METAP1D: variants seen among roughly 807,000 people sequenced by gnomAD.
METAP1D encodes the protein methionine aminopeptidase 1D, mitochondrial.
In METAP1D, 31 loss-of-function variants were observed where a neutral mutation model predicts 40.5. That is an observed-to-expected ratio of 0.77 (90% CI 0.58 to 1.03). METAP1D has a LOEUF of 1.03. METAP1D is among the 50% of genes least tolerant of loss of function. METAP1D has a pLI of 0.00. For synonymous variants in METAP1D, 151 were observed against 146.4 expected (o/e 1.03, Z -0.22); for missense variants, 411 against 420.7 (o/e 0.98, Z 0.20).
Position 172,054,829 on chromosome 2 carries a change from C to T in METAP1D, c.41-6669C>T, listed in dbSNP as rs368232337. ...GTTGCCTATAATTTTCAGCGTTCAA[C>T]TCAGACTAGGTGCTGATAGAATTTT... On this transcript the variant is annotated intron_variant, in intron 1 of 9. Coordinates refer to ENST00000315796, the MANE Select transcript of METAP1D (RefSeq NM_199227.3). Among the ~76,000 whole-genome samples, 7 of 152,286 alleles carry T rather than the reference C, an allele frequency of 4.6e-5. No individual in the cohort carries two copies. The East Asian group carries it at 9.6e-4, about 21-fold the overall frequency.
At chr2:172,051,219 C>G (rs1220677567) in intron 1 of METAP1D, among the ~76,000 whole-genome samples, 1 of 152,128 alleles carries the variant, frequency 6.6e-6, no homozygotes, top group Non-Finnish European at 1.5e-5. Flanking sequence ...TGACTATAAT[C>G]TTTGGCACCC....
At chr2:172,035,965 G>A (rs1239444700) in intron 1 of METAP1D, among the ~76,000 whole-genome samples, 1 of 151,938 alleles carries the variant, frequency 6.6e-6, no homozygotes, top group Admixed American at 6.6e-5. Flanking sequence ...TATATTTTAA[G>A]GATCCATTTA....
intron 1 of METAP1D, among the ~76,000 whole-genome samples, chr2:172,012,382 T>C (rs1396867094): frequency 6.6e-6 from 1 of 152,164 alleles, no homozygotes; most frequent in African/African-American, 2.4e-5. Context: ...AGGAGAAGGC[T>C]GTTCTGGGGC....
Position 172,013,881 on chromosome 2 carries a change from C to T in METAP1D, c.40+13872C>T, listed in dbSNP as rs545411040. Among the ~76,000 whole-genome samples, 5 of 147,316 alleles carry T rather than the reference C, an allele frequency of 3.4e-5. No individual in the cohort carries two copies. In the East Asian group the frequency reaches 8.0e-4, roughly 24 times the overall value. On this transcript the variant is annotated intron_variant, in intron 1 of 9. Transcript: ENST00000315796. The stretch of plus-strand genomic sequence containing the variant: ...TGTCACCCAGGCTGGAGTGCAGTGG[C>T]GTGATCTTGGCTCAGGGCAACCTCC...
chr2:172,017,235 T>TACACACACAC (rs370746234), intron 1 of METAP1D, among the ~76,000 whole-genome samples: 40 of 139,478 alleles, frequency 2.9e-4, no homozygotes, highest in Admixed American at 4.5e-4. Context: ...TGAAAGGTTT[T>TACACACACAC]ACACACACAC....
chr2:172,016,300 A>AAAAATATAT (rs1553490378), intron 1 of METAP1D, among the ~76,000 whole-genome samples: 7 of 40,052 alleles, frequency 1.7e-4, no homozygotes, highest in Admixed American at 4.6e-4. Context: ...AAAAAAAAAA[A>AAAAATATAT]ATATATATAT....
At chr2:172,006,118 A>C (rs766681968) in intron 1 of METAP1D, among the ~76,000 whole-genome samples, 2 of 152,320 alleles carry the variant, frequency 1.3e-5, no homozygotes, top group Non-Finnish European at 2.9e-5. Flanking sequence ...ATGTGTATAC[A>C]TGTGTCTAAG....
At chr2:172,004,931 C>CT (rs533755702) in intron 1 of METAP1D, among the ~76,000 whole-genome samples, 2,821 of 148,558 alleles carry the variant, frequency 0.019, 53 homozygotes, top group Admixed American at 0.069. Flanking sequence ...TTCTTCCTTC[C>CT]TTTTTTTTTT....
intron 1 of METAP1D, among the ~76,000 whole-genome samples, chr2:172,041,257 A>C (rs1006233662): frequency 1.4e-4 from 22 of 151,772 alleles, no homozygotes; most frequent in Non-Finnish European, 2.4e-4. Flanking sequence ...TCAGGAGTTC[A>C]AGACCAGCCT....
chr2:172,002,188 T>C (rs909830731), intron 1 of METAP1D, among the ~76,000 whole-genome samples: 6 of 151,246 alleles, frequency 4.0e-5, no homozygotes, highest in African/African-American at 1.2e-4. Flanking sequence ...TCTGAGGAGA[T>C]AGTCAATGTA....
intron 1 of METAP1D, among the ~76,000 whole-genome samples, chr2:172,016,306 T>TATAC (rs1173096069): frequency 2.0e-5 from 1 of 51,180 alleles, no homozygotes; most frequent in Non-Finnish European, 3.9e-5. Context: ...AAAAAATATA[T>TATAC]ATATATATAT....
At chr2:172,043,053 A>G (rs1209736352) in intron 1 of METAP1D, among the ~76,000 whole-genome samples, 1 of 116,792 alleles carries the variant, frequency 8.6e-6, no homozygotes, top group African/African-American at 2.8e-5. Flanking sequence ...GTGTACACAT[A>G]TATGTGTATA....
At chr2:172,026,074 C>T (rs1322853964) in intron 1 of METAP1D, among the ~76,000 whole-genome samples, 1 of 152,022 alleles carries the variant, frequency 6.6e-6, no homozygotes, top group East Asian at 1.9e-4. Flanking sequence ...TTGTTTGTTT[C>T]AGTTGTTTTG....
chr2:172,045,741 G>C (rs922217015), intron 1 of METAP1D, among the ~76,000 whole-genome samples: 2 of 70,584 alleles, frequency 2.8e-5, no homozygotes, highest in African/African-American at 1.2e-4. Context: ...GTATATATAT[G>C]TGTATATATG....
At chr2:172,048,172 G>A (rs1689803752) in intron 1 of METAP1D, among the ~76,000 whole-genome samples, 1 of 152,094 alleles carries the variant, frequency 6.6e-6, no homozygotes, top group African/African-American at 2.4e-5. Context: ...TGCTTTGGAT[G>A]GTGTCACTTT....
At chr2:172,036,056 G>A (rs963294589) in intron 1 of METAP1D, among the ~76,000 whole-genome samples, 39 of 151,984 alleles carry the variant, frequency 2.6e-4, no homozygotes, top group African/African-American at 4.3e-4. Context: ...GATGGTTCAT[G>A]CCTGTAATGC....
chr2:172,069,247 T>C (rs1159276070), intron 5 of METAP1D, among the ~76,000 whole-genome samples: 1 of 152,200 alleles, frequency 6.6e-6, no homozygotes, highest in African/African-American at 2.4e-5. Context: ...AAAAGTAATA[T>C]GAAAAGATGA....
At chr2:172,029,359 T>A (rs1689190006) in intron 1 of METAP1D, among the ~76,000 whole-genome samples, 1 of 152,080 alleles carries the variant, frequency 6.6e-6, no homozygotes, top group Middle Eastern at 3.2e-3. Flanking sequence ...GGAGGCTGAG[T>A]TTGCAGTAAG....
At chr2:172,043,623 T>C (rs1204204822) in intron 1 of METAP1D, among the ~76,000 whole-genome samples, 2 of 135,096 alleles carry the variant, frequency 1.5e-5, no homozygotes, top group African/African-American at 5.0e-5. Context: ...TAGCATTATA[T>C]TCCATTATAA....
Sources: allele counts gnomAD v4.1 joint callset (sites outside exome capture counted in the v4.1 genomes callset), GRCh38; gene constraint gnomAD v4.1.1; transcripts MANE v1.5; gene names NCBI Gene and HGNC (gene_info 2026-07-23, HGNC 2026-07-21).